The following CDH4 variants were observed in gnomAD, a reference collection of about 807,000 sequenced individuals.
CDH4 encodes the protein cadherin 4, also known as cadherin-4.
Under a neutral mutation model 86.0 loss-of-function variants are expected in CDH4, and 33 were observed. The observed-to-expected ratio is 0.38, with a 90% CI of 0.29 to 0.51. The LOEUF is 0.51. Among genes scored for constraint, CDH4 ranks in the 20% least tolerant of loss-of-function variants. CDH4 has a pLI of 0.86. For synonymous variants in CDH4, 555 were observed against 549.4 expected (o/e 1.01, Z -0.14); for missense variants, 1,114 against 1,307.4 (o/e 0.85, Z 2.28).
In CDH4 at chr20:61,910,710, C is replaced by T. The variant is rs1381740241; in HGVS notation, c.1374+103C>T. 1.1e-5 allele frequency: 12 copies of T among 1,085,874 alleles called. 1 individual carries two copies. The South Asian group carries it at 1.6e-4, about 15-fold the overall frequency. The allele number at this position is 1,085,874 out of a possible 1,614,324, so 67.3% of individuals were successfully genotyped here. Reference sequence around the variant, plus strand: ...GTGATACTCGGTGTAAAGTTACTGCCCCCCTAATATCCAAGGGTAGAGGCA... The same window carrying T: ...GTGATACTCGGTGTAAAGTTACTGCTCCCCTAATATCCAAGGGTAGAGGCA... On this transcript the variant is annotated intron_variant, in intron 9 of 15. Transcript: ENST00000614565.
At chr20:61,899,765 G>A (rs1433763189) in intron 8 of CDH4, among the ~76,000 whole-genome samples, 1 of 152,310 alleles carries the variant, frequency 6.6e-6, no homozygotes, top group African/African-American at 2.4e-5. Flanking sequence ...GAAGGGAGTC[G>A]TGGTGGTTTC....
At chr20:61,791,058 A>G (rs1979168268) in intron 4 of CDH4, among the ~76,000 whole-genome samples, 1 of 150,718 alleles carries the variant, frequency 6.6e-6, no homozygotes, top group African/African-American at 2.4e-5. Context: ...ACCCAGCTCC[A>G]GCTACTGTTT....
intron 2 of CDH4, among the ~76,000 whole-genome samples, chr20:61,365,668 A>T (rs1278153103): frequency 6.6e-6 from 1 of 152,066 alleles, no homozygotes; most frequent in African/African-American, 2.4e-5. Context: ...TTGGTGAGAG[A>T]TGAGCTACTC....
At chr20:61,760,658 G>A (rs891383334) in intron 3 of CDH4, among the ~76,000 whole-genome samples, 2 of 152,266 alleles carry the variant, frequency 1.3e-5, no homozygotes, top group African/African-American at 4.8e-5. Context: ...CCTCCCTGCT[G>A]AGGCTTTCCT....
chr20:61,828,805 T>C (rs1445850091), intron 4 of CDH4, among the ~76,000 whole-genome samples: 3 of 152,230 alleles, frequency 2.0e-5, no homozygotes, highest in Non-Finnish European at 4.4e-5. Context: ...CGTATGCTTG[T>C]AAAGATAAGA....
chr20:61,679,635 A>T (rs2087486487), intron 2 of CDH4, among the ~76,000 whole-genome samples: 1 of 152,192 alleles, frequency 6.6e-6, no homozygotes, highest in Non-Finnish European at 1.5e-5. Context: ...TCTGCGGGGC[A>T]GGTGAGCAGC....
At chr20:61,458,334 T>C (rs976296793) in intron 2 of CDH4, among the ~76,000 whole-genome samples, 2 of 151,260 alleles carry the variant, frequency 1.3e-5, no homozygotes, top group Admixed American at 1.3e-4. Context: ...GTCATGGTCA[T>C]GAGGGTGAGG....
chr20:61,718,647 A>G (rs900660430), intron 2 of CDH4: 2 of 382,214 alleles, frequency 5.2e-6, no homozygotes, highest in Admixed American at 3.3e-5. Flanking sequence ...AAGCCTTTCA[A>G]TGGGACATTA....
chr20:61,936,849 C>T lies in CDH4; in HGVS notation c.2657C>T (p.Ser886Phe), dbSNP rs373099894. 1.5e-5 allele frequency: 24 copies of T among 1,609,162 alleles called. No individual in the cohort carries two copies. In the African/African-American group the frequency reaches 2.8e-4, roughly 19 times the overall value. ...TAGSVSSLNSSSSGDQDYDYL... is the reference protein window; with the variant it reads ...TAGSVSSLNSFSSGDQDYDYL... ...GGCTCCGTCAGCTCCCTGAACTCAT[C>T]CAGTTCCGGGGACCAAGACTACGAT... Residue 886 changes from serine to phenylalanine, a missense_variant, in exon 16 of 16, where the codon TCC becomes TTC. Transcript: ENST00000614565.
At chr20:61,454,963 C>T (rs2085399748) in intron 2 of CDH4, among the ~76,000 whole-genome samples, 1 of 152,136 alleles carries the variant, frequency 6.6e-6, no homozygotes, top group African/African-American at 2.4e-5. Context: ...TCTTTAACAG[C>T]TTTATTGAGA....
At position 61,844,812 on chromosome 20, in the gene CDH4, G is replaced by T. The variant is rs187981909; in HGVS notation, c.721G>T (p.Ala241Ser). 5.6e-6 allele frequency: 9 copies of T among 1,612,158 alleles called. No homozygotes were observed. The highest frequency in any genetic ancestry group is 1.7e-4 in the Middle Eastern group (1 of 6,060). The change falls in exon 5 of 16, where the codon GCC becomes TCC. Residue 241 changes from alanine (A) to serine (S), a missense_variant. Coordinates refer to ENST00000614565, the MANE Select transcript of CDH4 (RefSeq NM_001794.5). ...VTRPMDREEH[A>S]SYHLRAHAVD... ...AAGGCCCATGGACCGGGAGGAGCAC[G>T]CCTCTTACCACGTGAGTGTCCACAC...
intron 2 of CDH4, among the ~76,000 whole-genome samples, chr20:61,385,053 C>A (rs2084943476): frequency 6.6e-6 from 1 of 152,160 alleles, no homozygotes. Flanking sequence ...GATTGCCAAG[C>A]CCTAGGGGCG....
intron 4 of CDH4, among the ~76,000 whole-genome samples, chr20:61,789,428 G>C (rs1979046698): frequency 6.6e-6 from 1 of 152,188 alleles, no homozygotes; most frequent in Admixed American, 6.5e-5. Context: ...GTCAGAAAAG[G>C]GGAGGGGGGC....
rs906465422 is a variant in CDH4 at position 61,386,213 on chromosome 20, G to A, written c.169+131276G>A. ...TGTTGGGGAGGTCTTCAGCCCCTGT[G>A]GGTGCTGAGCCACAGTCGTGCTGTG... On this transcript the variant is annotated intron_variant, in intron 2 of 15. Coordinates refer to ENST00000614565, the MANE Select transcript of CDH4 (RefSeq NM_001794.5). Among the ~76,000 whole-genome samples, 3 of 152,144 alleles carry A rather than the reference G, an allele frequency of 2.0e-5. No individual in the cohort carries two copies. The South Asian group carries it at 6.2e-4, about 32-fold the overall frequency.
intron 2 of CDH4, among the ~76,000 whole-genome samples, chr20:61,611,440 A>G (rs2086684571): frequency 6.6e-6 from 1 of 151,938 alleles, no homozygotes; most frequent in Non-Finnish European, 1.5e-5. Context: ...CTGCCATGGG[A>G]TGAGGTTGGT....
intron 4 of CDH4, among the ~76,000 whole-genome samples, chr20:61,840,740 C>T (rs1982125932): frequency 6.6e-6 from 1 of 152,216 alleles, no homozygotes; most frequent in South Asian, 2.1e-4. Context: ...AACTGTTCTC[C>T]CCTGATCTGG....
At chr20:61,699,102 T>A (rs150434381) in intron 2 of CDH4, among the ~76,000 whole-genome samples, 2 of 152,374 alleles carry the variant, frequency 1.3e-5, no homozygotes, top group East Asian at 3.9e-4. Context: ...TCTGTTCTCA[T>A]TACAGCCTCG....
At chr20:61,403,775 A>T (rs2085063709) in intron 2 of CDH4, among the ~76,000 whole-genome samples, 1 of 152,118 alleles carries the variant, frequency 6.6e-6, no homozygotes, top group Non-Finnish European at 1.5e-5. Context: ...TGGCACAGAT[A>T]GTAGACTTAA....
rs1261673779 is a variant in CDH4 at position 61,653,514 on chromosome 20, C to T, written c.170-90049C>T. ...CTCCTCACTTCCCAGTAGGGGCGGC[C>T]GGGCAGAGGCGCCCCTCACCTCCCG... On this transcript the variant is annotated intron_variant, in intron 2 of 15. Coordinates refer to ENST00000614565, the MANE Select transcript of CDH4 (RefSeq NM_001794.5). 4.4e-5 allele frequency among the ~76,000 whole-genome samples: 6 copies of T among 136,254 alleles called. 1 individual carries two copies. Among genetic ancestry groups the T allele is most frequent in the Admixed American group, 7.2e-5 (1 of 13,940 alleles). The allele number at this position is 136,254 out of a possible 152,430, so 89.4% of individuals were successfully genotyped here.
Sources: allele counts gnomAD v4.1 joint callset (sites outside exome capture counted in the v4.1 genomes callset), GRCh38; gene constraint gnomAD v4.1.1; transcripts MANE v1.5; gene names NCBI Gene and HGNC (gene_info 2026-07-23, HGNC 2026-07-21).